The following RIMS2 variants were observed in gnomAD, a reference collection of about 807,000 sequenced individuals.
RIMS2 encodes the protein regulating synaptic membrane exocytosis protein 2.
RIMS2 carries 59 observed loss-of-function variants against 174.4 expected under a neutral mutation model. The ratio of observed to expected loss-of-function variants is 0.34; its 90% CI spans 0.27 to 0.42. RIMS2 has a LOEUF of 0.42. RIMS2 is among the 10% of genes least tolerant of loss of function. The pLI, the probability that RIMS2 is intolerant of heterozygous loss-of-function variation, is 1.00. For synonymous variants in RIMS2, 606 were observed against 572.5 expected (o/e 1.06, Z -0.84); for missense variants, 1,620 against 1,666.3 (o/e 0.97, Z 0.48).
intron 19 of RIMS2, among the ~76,000 whole-genome samples, chr8:104,213,890 A>AG (rs397732303): frequency 8.6e-6 from 1 of 115,916 alleles, no homozygotes; most frequent in Non-Finnish European, 2.0e-5. Flanking sequence ...AAAAAAAAAA[A>AG]GAAGAAGAAG....
At chr8:103,619,061 T>C (rs2095570737) in intron 1 of RIMS2, among the ~76,000 whole-genome samples, 1 of 146,074 alleles carries the variant, frequency 6.8e-6, no homozygotes, top group Non-Finnish European at 1.5e-5. Flanking sequence ...TATGCTCCCC[T>C]ATTACATGAG....
chr8:104,216,961 T>C (rs913059988), intron 19 of RIMS2, among the ~76,000 whole-genome samples: 3 of 152,202 alleles, frequency 2.0e-5, no homozygotes, highest in East Asian at 1.9e-4. Flanking sequence ...AATGAGACAA[T>C]GCATGTGAAG....
At chr8:103,611,993 G>T (rs1410155087) in intron 1 of RIMS2, among the ~76,000 whole-genome samples, 4 of 149,932 alleles carry the variant, frequency 2.7e-5, no homozygotes, top group African/African-American at 7.4e-5. Context: ...TGTCTTCTCT[G>T]AGCATGTATT....
chr8:103,926,743 T>G (rs1006795720), intron 10 of RIMS2, among the ~76,000 whole-genome samples: 7 of 151,494 alleles, frequency 4.6e-5, no homozygotes, highest in Non-Finnish European at 7.4e-5. Context: ...AGAAGCAGAA[T>G]TAAATGCCTT....
intron 19 of RIMS2, among the ~76,000 whole-genome samples, chr8:104,096,651 C>G (rs1181181706): frequency 6.6e-6 from 1 of 152,014 alleles, no homozygotes; most frequent in Non-Finnish European, 1.5e-5. Flanking sequence ...GGGAGGATCA[C>G]GAGGTCAGGA....
intron 1 of RIMS2, among the ~76,000 whole-genome samples, chr8:103,536,117 G>A (rs916708088): frequency 5.9e-5 from 9 of 152,098 alleles, no homozygotes; most frequent in African/African-American, 2.2e-4. Flanking sequence ...TTACTGGGGA[G>A]CCAATTATTT....
intron 3 of RIMS2, chr8:103,768,986 G>C (rs1035294863): frequency 1.1e-4 from 40 of 358,138 alleles, no homozygotes; most frequent in Non-Finnish European, 1.9e-4. Context: ...AGGCTTTCCT[G>C]TCTGCAAGCT....
In RIMS2 at chr8:103,730,202, C is replaced by G. The variant is rs368740198; in HGVS notation, c.387+32906C>G. On this transcript the variant is annotated intron_variant, in intron 2 of 23. Coordinates refer to ENST00000504942, the Ensembl canonical transcript of RIMS2. Reference sequence around the variant, plus strand: ...CGTGGGTGGTGGGGGGTTTAAGTCTCTCTCTCTTTCTTTAGCTCTAGTAAT... The same window carrying G: ...CGTGGGTGGTGGGGGGTTTAAGTCTGTCTCTCTTTCTTTAGCTCTAGTAAT... 5.9e-5 allele frequency among the ~76,000 whole-genome samples: 9 copies of G among 152,150 alleles called. No individual in the cohort carries two copies. The South Asian group carries it at 1.9e-3, about 32-fold the overall frequency.
intron 16 of RIMS2, among the ~76,000 whole-genome samples, chr8:103,981,037 G>C (rs1362280694): frequency 2.0e-5 from 3 of 152,192 alleles, no homozygotes; most frequent in Non-Finnish European, 2.9e-5. Context: ...AACCTGGCTG[G>C]CTTTGCCACC....
chr8:104,069,302 G>A (rs1207006681), intron 19 of RIMS2, among the ~76,000 whole-genome samples: 1 of 152,046 alleles, frequency 6.6e-6, no homozygotes, highest in Non-Finnish European at 1.5e-5. Flanking sequence ...GGGTTCATTG[G>A]GACATAAGCC....
chr8:104,051,859 T>C (rs1158591076), intron 19 of RIMS2, among the ~76,000 whole-genome samples: 1 of 152,216 alleles, frequency 6.6e-6, no homozygotes, highest in African/African-American at 2.4e-5. Context: ...ACATAATACA[T>C]GCAAAGCTCT....
At chr8:103,591,980 T>A (rs930420661) in intron 1 of RIMS2, among the ~76,000 whole-genome samples, 2 of 151,240 alleles carry the variant, frequency 1.3e-5, no homozygotes, top group African/African-American at 4.8e-5. Flanking sequence ...AATCTTTAGA[T>A]CTATTTGGAA....
intron 19 of RIMS2, among the ~76,000 whole-genome samples, chr8:104,130,020 A>G (rs2098461762): frequency 6.6e-6 from 1 of 152,230 alleles, no homozygotes; most frequent in Non-Finnish European, 1.5e-5. Context: ...GTATTTAACT[A>G]TCCTTACGTT....
At chr8:103,769,183 C>G (rs2098218560) in intron 3 of RIMS2, among the ~76,000 whole-genome samples, 1 of 151,928 alleles carries the variant, frequency 6.6e-6, no homozygotes, top group African/African-American at 2.4e-5. Flanking sequence ...TACTAAAGCA[C>G]TAGGTCACAT....
At chr8:104,183,807 A>G (rs1302347570) in intron 19 of RIMS2, among the ~76,000 whole-genome samples, 1 of 151,612 alleles carries the variant, frequency 6.6e-6, no homozygotes, top group East Asian at 1.9e-4. Flanking sequence ...GTTTATTTTT[A>G]AAAGTCTCGT....
chr8:103,725,499 T>C (rs2097517206), intron 2 of RIMS2, among the ~76,000 whole-genome samples: 1 of 152,222 alleles, frequency 6.6e-6, no homozygotes, highest in South Asian at 2.1e-4. Context: ...TGTAGTGTCC[T>C]CTTTCAATTC....
intron 19 of RIMS2, among the ~76,000 whole-genome samples, chr8:104,086,939 T>C (rs2097546441): frequency 6.6e-6 from 1 of 152,148 alleles, no homozygotes; most frequent in Non-Finnish European, 1.5e-5. Context: ...CCCAACTGTC[T>C]GTTCAGTGAC....
chr8:103,529,995 T>A (rs1836233807), intron 1 of RIMS2, among the ~76,000 whole-genome samples: 1 of 152,140 alleles, frequency 6.6e-6, no homozygotes, highest in Non-Finnish European at 1.5e-5. Context: ...GACAGAAAGC[T>A]AGAAGTGGAG....
intron 1 of RIMS2, among the ~76,000 whole-genome samples, chr8:103,505,529 G>T (rs2469973): frequency 0.35 from 53,768 of 151,856 alleles, 10,243 homozygotes; most frequent in East Asian, 0.77. Context: ...TTTGTCATTA[G>T]AAATTTTTAG....
Sources: gnomAD v4.1 joint callset for allele counts (sites outside exome capture counted in the v4.1 genomes callset) on GRCh38, gnomAD v4.1.1 for gene constraint, MANE v1.5 for transcripts, NCBI Gene and HGNC (gene_info 2026-07-23, HGNC 2026-07-21) for gene names.